RCOR3: variants seen among roughly 807,000 people sequenced by gnomAD.
RCOR3 encodes REST corepressor 3.
Under a neutral mutation model 64.1 loss-of-function variants are expected in RCOR3, and 13 were observed. The ratio of observed to expected loss-of-function variants is 0.20; its 90% CI spans 0.13 to 0.32. RCOR3 has a LOEUF of 0.32. RCOR3 is among the 10% of genes least tolerant of loss of function. The pLI, the probability that RCOR3 is intolerant of heterozygous loss-of-function variation, is 1.00. For synonymous variants in RCOR3, 215 were observed against 239.0 expected (o/e 0.90, Z 0.93); for missense variants, 489 against 701.2 (o/e 0.70, Z 3.42).
At chr1:211,287,871 T>A (rs938879609) in intron 7 of RCOR3, among the ~76,000 whole-genome samples, 1 of 150,820 alleles carries the variant, frequency 6.6e-6, no homozygotes, top group South Asian at 2.1e-4. Context: ...AAAAAAAAAA[T>A]TTTTTTTTGT....
At chr1:211,275,912 T>C (rs981050478) in intron 4 of RCOR3, among the ~76,000 whole-genome samples, 2 of 152,202 alleles carry the variant, frequency 1.3e-5, no homozygotes, top group African/African-American at 2.4e-5. Flanking sequence ...ATTTTCCTTT[T>C]AGCAAATTTT....
At chr1:211,294,695 TTCTGCTGCC>T (rs1699671470) in intron 8 of RCOR3, among the ~76,000 whole-genome samples, 1 of 150,374 alleles carries the variant, frequency 6.7e-6, no homozygotes, top group African/African-American at 2.5e-5. Context: ...GTTCACGCCA[TTCTGCTGCC>T]TCAGCCTCCT....
chr1:211,286,827 G>A (rs981703192), intron 7 of RCOR3, among the ~76,000 whole-genome samples: 9 of 152,082 alleles, frequency 5.9e-5, no homozygotes, highest in African/African-American at 2.2e-4. Context: ...CATATAGTCC[G>A]TTTTGTTTAG....
At chr1:211,294,593 T>TC (rs1699639950) in intron 8 of RCOR3, among the ~76,000 whole-genome samples, 1 of 139,926 alleles carries the variant, frequency 7.1e-6, no homozygotes, top group Non-Finnish European at 1.6e-5. Context: ...TTTCTTTTTT[T>TC]TTTTTTTTTT....
chr1:211,292,421 A>G (rs1333827679), intron 8 of RCOR3, among the ~76,000 whole-genome samples: 1 of 152,240 alleles, frequency 6.6e-6, no homozygotes, highest in African/African-American at 2.4e-5. Flanking sequence ...AACATAAAGG[A>G]ATAAAGTGTA....
intron 2 of RCOR3, among the ~76,000 whole-genome samples, chr1:211,264,022 C>G (rs959389330): frequency 1.3e-5 from 2 of 152,112 alleles, no homozygotes; most frequent in African/African-American, 4.8e-5. Flanking sequence ...AAGGTTTCAC[C>G]ATGTTGGCCG....
chr1:211,276,376 C>G lies in RCOR3; in HGVS notation c.474C>G (p.Ala158=). 6.2e-7 allele frequency: 1 copy of G among 1,613,510 alleles called. No individual in the cohort carries two copies. Among genetic ancestry groups the G allele is most frequent in the Non-Finnish European group, 8.5e-7 (1 of 1,179,632 alleles). Residue 158 remains alanine, a synonymous_variant, in exon 5 of 12, where the codon GCC becomes GCG. Transcript: ENST00000419091. ...TVEDKVLFEQ[A]FSFHGKSFHR... is the part of the protein sequence containing the mutation. ...AAGATAAAGTCCTATTTGAACAAGC[C>G]TTTAGTTTTCATGGAAAGAGCTTTC...
Position 211,314,000 on chromosome 1 carries a change from G to T in RCOR3, c.*232G>T, listed in dbSNP as rs1701735163. The T allele has an allele frequency of 2.1e-6, 1 of 486,082 alleles. No homozygotes were observed. The highest frequency in any genetic ancestry group is 3.6e-6 in the Non-Finnish European group (1 of 274,124). 30.1% of individuals were successfully genotyped at this position (486,082 alleles called of 1,614,324 possible). On this transcript the variant is annotated 3_prime_UTR_variant, in exon 12 of 12. Transcript: ENST00000419091. This position sits in a 1 kb window ranked among gnomAD's most constrained non-coding sequence, Gnocchi z 4.7. ...GCCTCCTTTCTAGAGTATATGTTCA[G>T]CAATGTTGATCTCATAAAAGGAAAA...
At chr1:211,308,450 T>C (rs1035289375) in intron 10 of RCOR3, among the ~76,000 whole-genome samples, 2 of 152,176 alleles carry the variant, frequency 1.3e-5, no homozygotes, top group Admixed American at 1.3e-4. Context: ...TTAAAACATA[T>C]GTCTTAATGA....
chr1:211,286,032 C>T (rs553340886), intron 7 of RCOR3, among the ~76,000 whole-genome samples: 1 of 152,244 alleles, frequency 6.6e-6, no homozygotes, highest in African/African-American at 2.4e-5. Flanking sequence ...TATCATTTTA[C>T]TTTCAACATT....
At chr1:211,304,270 G>T (rs1014322825) in intron 10 of RCOR3, 130 bp downstream of exon 10, 1 of 571,202 alleles carries the variant, frequency 1.8e-6, no homozygotes, top group Non-Finnish European at 2.9e-6. Context: ...CAAAGTCCTG[G>T]TGACCAGGAA....
Position 211,279,257 on chromosome 1 carries a change from A to G in RCOR3, c.661A>G (p.Thr221Ala). 6 of 1,610,812 alleles carry G rather than the reference A, an allele frequency of 3.7e-6. No homozygotes were observed. The highest frequency in any genetic ancestry group is 5.1e-6 in the Non-Finnish European group (6 of 1,178,370). ...QGDSDDDVEETHPMDGNDSDY... is the reference protein window; with the variant it reads ...QGDSDDDVEEAHPMDGNDSDY... ...TCTCAGTGATGATGATGTAGAAGAA[A>G]CACATCCAATGGATGGGAATGATAG... Residue 221 changes from threonine (T) to alanine (A), a missense_variant, in exon 7 of 12, where the codon ACA (threonine) becomes GCA (alanine). Thr to Ala is a moderately conservative substitution (Grantham distance 58). Around this residue, in one of 2 missense-constraint regions of RCOR3, gnomAD observed 402 missense variants for 617.0 expected, o/e 0.65. Transcript: ENST00000419091.
chr1:211,273,165 A>G (rs1459824710), intron 3 of RCOR3, among the ~76,000 whole-genome samples: 1 of 152,242 alleles, frequency 6.6e-6, no homozygotes, highest in Non-Finnish European at 1.5e-5. Flanking sequence ...GTATTCATAT[A>G]TGAAGACTAT....
chr1:211,276,562 C>G (rs1273883236), intron 5 of RCOR3, 144 bp downstream of exon 5: 2 of 668,996 alleles, frequency 3.0e-6, no homozygotes, highest in Admixed American at 6.6e-5. Context: ...ATATACAATC[C>G]TGTTTTCTGC....
chr1:211,286,209 T>G (rs1698495193), intron 7 of RCOR3, among the ~76,000 whole-genome samples: 1 of 152,162 alleles, frequency 6.6e-6, no homozygotes, highest in South Asian at 2.1e-4. Context: ...TTTCCTAGTC[T>G]TCTTTCCCTT....
At chr1:211,291,020 T>C (rs1432512247) in intron 8 of RCOR3, among the ~76,000 whole-genome samples, 1 of 152,022 alleles carries the variant, frequency 6.6e-6, no homozygotes, top group East Asian at 1.9e-4. Flanking sequence ...ATATTCATCC[T>C]TAGCTTATCA....
chr1:211,304,925 C>T (rs984288973), intron 10 of RCOR3, among the ~76,000 whole-genome samples: 3 of 151,814 alleles, frequency 2.0e-5, no homozygotes, highest in Admixed American at 6.6e-5. Flanking sequence ...GTTTGGTCTA[C>T]ATTTTGTTTC....
In RCOR3 at chr1:211,312,143, G is replaced by T; in HGVS notation, c.1076-577G>T. On this transcript the variant is annotated intron_variant, in intron 10 of 11. Coordinates refer to ENST00000419091, the MANE Select transcript of RCOR3 (RefSeq NM_001136223.3). This position sits in a 1 kb window ranked among gnomAD's most constrained non-coding sequence, Gnocchi z 5.0. ...TCCACCAACTTGTGATGATTCTCCT[G>T]CTTTTCATGTTTAAGTTCTTATCTA... The T allele has an allele frequency of 5.0e-6, 1 of 201,884 alleles. No individual in the cohort carries two copies. The highest frequency in any genetic ancestry group is 1.1e-4 in the East Asian group (1 of 8,914). The allele number at this position is 201,884 out of a possible 1,614,324, so 12.5% of individuals were successfully genotyped here.
intron 7 of RCOR3, among the ~76,000 whole-genome samples, chr1:211,283,030 A>G (rs1033654222): frequency 6.6e-6 from 1 of 152,184 alleles, no homozygotes; most frequent in Admixed American, 6.5e-5. Flanking sequence ...GCTATATTAT[A>G]GTGTTCCATT....
Sources: gnomAD v4.1 joint callset for allele counts (sites outside exome capture counted in the v4.1 genomes callset) on GRCh38, gnomAD v4.1.1 for gene constraint, gnomAD v4.1.1 regional missense constraint, Gnocchi (gnomAD v3.1) non-coding constraint, MANE v1.5 for transcripts, NCBI Gene and HGNC (gene_info 2026-07-23, HGNC 2026-07-21) for gene names.